The following ZRANB3 variants were observed in gnomAD, a reference collection of about 807,000 sequenced individuals.
ZRANB3 encodes DNA annealing helicase and endonuclease ZRANB3.
A neutral mutation model predicts 133.8 loss-of-function variants in ZRANB3; 125 were observed. The ratio of observed to expected loss-of-function variants is 0.93; its 90% CI spans 0.81 to 1.08. The LOEUF (loss-of-function observed/expected upper bound fraction) is 1.08, where lower values mean the gene tolerates loss of function less well. Among genes scored for constraint, ZRANB3 ranks in the 50% least tolerant of loss-of-function variants. ZRANB3 has a pLI of 0.00. For synonymous variants in ZRANB3, 387 were observed against 432.7 expected, an observed-to-expected ratio of 0.89 and a Z score of 1.31; for missense variants, 1,229 against 1,275.5, an observed-to-expected ratio of 0.96 and a Z score of 0.56.
intron 3 of ZRANB3, among the ~76,000 whole-genome samples, chr2:135,369,240 T>C (rs983793580): frequency 1.3e-5 from 2 of 151,068 alleles, no homozygotes; most frequent in South Asian, 4.2e-4. Flanking sequence ...AAAAAAAAAA[T>C]GGAATGCCTG....
In ZRANB3 at chr2:135,329,852, G is replaced by A. The variant is rs1440519687; in HGVS notation, c.678-14322C>T. On this transcript the variant is annotated intron_variant, in intron 6 of 20. Coordinates refer to ENST00000264159, the MANE Select transcript of ZRANB3 (RefSeq NM_032143.4). ...GAGTTCACTCATGATTTGGCTCTCTGTTTGTCTGTTTTTGGTGTATAGGAA... is the reference window on the plus strand; with the variant it reads ...GAGTTCACTCATGATTTGGCTCTCTATTTGTCTGTTTTTGGTGTATAGGAA... Among the ~76,000 whole-genome samples the A allele has an allele frequency of 2.0e-5, 3 of 152,110 alleles. No individual in the cohort carries two copies. In the East Asian group the frequency reaches 5.8e-4, roughly 29 times the overall value.
chr2:135,350,266 C>A, intron 4 of ZRANB3, 51 bp from the exon 5 acceptor site: 1 of 1,359,630 alleles, frequency 7.4e-7, no homozygotes, highest in Non-Finnish European at 1.0e-6. Flanking sequence ...ATGACGTTAT[C>A]ATGAACAATA....
chr2:135,338,264 T>C (rs904183510), intron 6 of ZRANB3, among the ~76,000 whole-genome samples: 2 of 152,194 alleles, frequency 1.3e-5, no homozygotes, highest in African/African-American at 2.4e-5. Flanking sequence ...GGGAATAGAA[T>C]ACTGGAAAAA....
At chr2:135,246,544 C>T (rs1016907849) in intron 12 of ZRANB3, among the ~76,000 whole-genome samples, 8 of 152,138 alleles carry the variant, frequency 5.3e-5, no homozygotes, top group Admixed American at 2.0e-4. Context: ...GATTCATCAA[C>T]AACAATGACT....
chr2:135,306,082 T>C (rs972039309), intron 8 of ZRANB3, among the ~76,000 whole-genome samples: 1 of 152,222 alleles, frequency 6.6e-6, no homozygotes, highest in South Asian at 2.1e-4. Flanking sequence ...ATCTATTTGA[T>C]AAGTCTTTGA....
chr2:135,298,371 C>G (rs1682260997), intron 8 of ZRANB3, among the ~76,000 whole-genome samples: 1 of 152,112 alleles, frequency 6.6e-6, no homozygotes, highest in South Asian at 2.1e-4. Flanking sequence ...CTAGTGTGAT[C>G]TTTTGGGGAT....
Position 135,216,543 on chromosome 2 carries a change from G to A in ZRANB3, c.2495+922C>T, listed in dbSNP as rs1203225242. ...CAGCCTCAACCTCCCAGGCTGAAGC[G>A]ATCCTCCGGCCTCAGCCTCCCAAGT... On this transcript the variant is annotated intron_variant, in intron 17 of 20. Transcript: ENST00000264159. Among the ~76,000 whole-genome samples the A allele has an allele frequency of 3.3e-5, 5 of 151,862 alleles. No individual in the cohort carries two copies. The South Asian group carries it at 8.3e-4, about 25-fold the overall frequency.
chr2:135,485,317 C>T (rs933377875), intron 2 of ZRANB3, among the ~76,000 whole-genome samples: 7 of 152,042 alleles, frequency 4.6e-5, no homozygotes, highest in African/African-American at 1.7e-4. Context: ...ATCCCAGGGG[C>T]CAGTCTGGGT....
intron 12 of ZRANB3, among the ~76,000 whole-genome samples, chr2:135,238,135 T>C (rs900294933): frequency 2.0e-5 from 3 of 152,218 alleles, no homozygotes; most frequent in Non-Finnish European, 4.4e-5. Flanking sequence ...TCTCCATGGT[T>C]AATTAGCTAC....
At chr2:135,200,753 G>GTT (rs373759295) in intron 20 of ZRANB3, among the ~76,000 whole-genome samples, 29 of 126,432 alleles carry the variant, frequency 2.3e-4, no homozygotes, top group Admixed American at 4.2e-4. Flanking sequence ...CAAGTGGGAG[G>GTT]TTTTTTTTTT....
intron 8 of ZRANB3, among the ~76,000 whole-genome samples, chr2:135,278,527 G>A (rs1439530932): frequency 2.6e-5 from 4 of 152,162 alleles, no homozygotes; most frequent in African/African-American, 7.2e-5. Context: ...TGAGAGCTCT[G>A]CAGCAGGCCT....
At chr2:135,222,356 C>T (rs1360957200) in intron 15 of ZRANB3, among the ~76,000 whole-genome samples, 3 of 150,182 alleles carry the variant, frequency 2.0e-5, no homozygotes, top group Admixed American at 6.7e-5. Flanking sequence ...GAACCGAGAT[C>T]GCACCACTGC....
intron 2 of ZRANB3, among the ~76,000 whole-genome samples, chr2:135,471,137 C>T (rs1329060986): frequency 2.0e-5 from 3 of 150,546 alleles, no homozygotes; most frequent in Non-Finnish European, 4.4e-5. Context: ...AAGATATCCA[C>T]CAAGGCAATG....
intron 8 of ZRANB3, among the ~76,000 whole-genome samples, chr2:135,312,107 T>C (rs1683005319): frequency 6.6e-6 from 1 of 151,026 alleles, no homozygotes; most frequent in African/African-American, 2.4e-5. Context: ...CAACCATACA[T>C]TGTATTTATT....
At chr2:135,468,644 A>G (rs977205561) in intron 2 of ZRANB3, among the ~76,000 whole-genome samples, 1 of 152,224 alleles carries the variant, frequency 6.6e-6, no homozygotes, top group Non-Finnish European at 1.5e-5. Context: ...CAAAAACAGT[A>G]TTTAGACCCT....
In ZRANB3 at chr2:135,437,000, C is replaced by T. The variant is rs543276243; in HGVS notation, c.162-46180G>A. 7.2e-5 allele frequency among the ~76,000 whole-genome samples: 11 copies of T among 152,328 alleles called. No individual in the cohort carries two copies. In the South Asian group the frequency reaches 1.2e-3, roughly 17 times the overall value. On this transcript the variant is annotated intron_variant, in intron 2 of 20. Coordinates refer to ENST00000264159, the MANE Select transcript of ZRANB3 (RefSeq NM_032143.4). ...TTTGAGACGGAGTCTCGCTCTGTTGCCCAGGCTGGAGTGCAGTGGTGCGAT... is the reference window on the plus strand; with the variant it reads ...TTTGAGACGGAGTCTCGCTCTGTTGTCCAGGCTGGAGTGCAGTGGTGCGAT...
chr2:135,243,285 G>A (rs1007597233), intron 12 of ZRANB3, among the ~76,000 whole-genome samples: 3 of 152,216 alleles, frequency 2.0e-5, no homozygotes, highest in African/African-American at 7.2e-5. Context: ...GGAGGCCAAG[G>A]TGAGTGGATC....
At chr2:135,314,780 G>A (rs562832226) in intron 7 of ZRANB3, among the ~76,000 whole-genome samples, 39 of 148,662 alleles carry the variant, frequency 2.6e-4, no homozygotes, top group African/African-American at 9.2e-4. Flanking sequence ...ATGGAGTCTC[G>A]CTCTGTTGCC....
chr2:135,338,808 A>T (rs933699135), intron 6 of ZRANB3, among the ~76,000 whole-genome samples: 1 of 152,260 alleles, frequency 6.6e-6, no homozygotes, highest in Non-Finnish European at 1.5e-5. Context: ...GTGTATGTGT[A>T]TATCTATATG....
Sources: allele counts gnomAD v4.1 joint callset (sites outside exome capture counted in the v4.1 genomes callset), GRCh38; gene constraint gnomAD v4.1.1; transcripts MANE v1.5; gene names NCBI Gene and HGNC (gene_info 2026-07-23, HGNC 2026-07-21).